Variants in BCAS3 observed in about 807,000 individuals in gnomAD.
BCAS3 encodes the protein BCAS4/BCAS3 fusion.
In BCAS3, 53 loss-of-function variants were observed where a neutral mutation model predicts 116.1. The observed-to-expected ratio is 0.46, with a 90% CI of 0.37 to 0.57. The LOEUF is 0.57. BCAS3 is among the 20% of genes least tolerant of loss of function. The probability of loss-of-function intolerance (pLI) is 0.00; values close to 1 mark genes in which losing one functional copy is unlikely to be tolerated. For missense variants in BCAS3, 917 were observed against 1,165.4 expected (o/e 0.79, Z 3.10); for synonymous variants, 391 against 408.2 (o/e 0.96, Z 0.51).
intron 22 of BCAS3, among the ~76,000 whole-genome samples, chr17:61,274,281 A>ATTTT (rs780529516): frequency 3.5e-4 from 34 of 96,228 alleles, no homozygotes; most frequent in African/African-American, 6.7e-4. Context: ...AAATCTTTGA[A>ATTTT]TTTTTTTTTT....
chr17:60,716,830 T>C (rs1401712112), intron 5 of BCAS3, among the ~76,000 whole-genome samples: 1 of 152,170 alleles, frequency 6.6e-6, no homozygotes, highest in Non-Finnish European at 1.5e-5. Flanking sequence ...TTTCCAGCCA[T>C]GTCAGTTATA....
intron 22 of BCAS3, among the ~76,000 whole-genome samples, chr17:61,148,687 T>A (rs751126258): frequency 2.0e-5 from 3 of 152,226 alleles, no homozygotes; most frequent in Non-Finnish European, 4.4e-5. Context: ...AAGATAGGTA[T>A]AATTATTTGT....
intron 19 of BCAS3, among the ~76,000 whole-genome samples, chr17:61,044,030 T>C (rs2067772332): frequency 6.6e-6 from 1 of 152,054 alleles, no homozygotes; most frequent in Non-Finnish European, 1.5e-5. Flanking sequence ...AATAATCATA[T>C]TACTTGTTTT....
intron 22 of BCAS3, among the ~76,000 whole-genome samples, chr17:61,231,864 T>A: frequency 1.2e-5 from 1 of 81,030 alleles, no homozygotes; most frequent in African/African-American, 4.1e-5. Context: ...GAAGAGACCC[T>A]GTCTCAAAAA....
chr17:61,138,475 A>C (rs1400520685), intron 22 of BCAS3, among the ~76,000 whole-genome samples: 1 of 152,206 alleles, frequency 6.6e-6, no homozygotes, highest in Non-Finnish European at 1.5e-5. Context: ...CACAGACCAA[A>C]TTACTCTGCT....
rs1340333742 is a variant in BCAS3 at position 61,214,183 on chromosome 17, G to T, written c.2425+129619G>T. Among the ~76,000 whole-genome samples the T allele has an allele frequency of 6.6e-6, 1 of 151,896 alleles. No individual in the cohort carries two copies. The highest frequency in any genetic ancestry group is 1.5e-5 in the Non-Finnish European group (1 of 68,006). On this transcript the variant is annotated intron_variant, in intron 22 of 23. Coordinates refer to ENST00000407086, the MANE Select transcript of BCAS3 (RefSeq NM_017679.5). The surrounding 1 kb of genome is among the most constrained non-coding windows in gnomAD (Gnocchi z 4.4). ...AGTTCAAGACCAGCCTGTCCAACAT[G>T]GCGAAACCCCATCTCTATTAAAAAA...
chr17:61,242,312 C>T (rs1413263797), intron 22 of BCAS3, among the ~76,000 whole-genome samples: 1 of 150,780 alleles, frequency 6.6e-6, no homozygotes, highest in Non-Finnish European at 1.5e-5. Context: ...ATCAGGAAGA[C>T]AGTGTAAATA....
chr17:61,025,834 C>T (rs1442899001), intron 16 of BCAS3, among the ~76,000 whole-genome samples: 1 of 152,088 alleles, frequency 6.6e-6, no homozygotes, highest in Non-Finnish European at 1.5e-5. Context: ...CAAAATTGTA[C>T]TCACTATCGT....
chr17:61,316,326 T>C lies in BCAS3; in HGVS notation c.2426-52001T>C, dbSNP rs2054731020. ...ATCTCAATAATAATAATATTAATAGTAATATAGCAGGTACTTAGTAAATGT... is the reference window on the plus strand; with the variant it reads ...ATCTCAATAATAATAATATTAATAGCAATATAGCAGGTACTTAGTAAATGT... On this transcript the variant is annotated intron_variant, in intron 22 of 23. Coordinates refer to ENST00000407086, the MANE Select transcript of BCAS3 (RefSeq NM_017679.5). The surrounding 1 kb of genome is among the most constrained non-coding windows in gnomAD (Gnocchi z 5.8). Among the ~76,000 whole-genome samples, 3 of 152,060 alleles carry C rather than the reference T, an allele frequency of 2.0e-5. No homozygotes were observed. The South Asian group carries it at 6.2e-4, about 32-fold the overall frequency.
At chr17:60,817,260 G>A (rs1395325291) in intron 7 of BCAS3, among the ~76,000 whole-genome samples, 2 of 152,128 alleles carry the variant, frequency 1.3e-5, no homozygotes, top group African/African-American at 4.8e-5. Flanking sequence ...AATGTTTATT[G>A]TGCCACTGAT....
At position 60,974,973 on chromosome 17, in the gene BCAS3, G is replaced by GT. The variant is rs199766737; in HGVS notation, c.1222-14990dup. On this transcript the variant is annotated intron_variant, in intron 14 of 23. Transcript: ENST00000407086. Reference sequence around the variant, plus strand: ...TACCCATATTATATTCAAGCCATTTGTTTTTTTTGTTTTTTTTGCTTTTTT... The same window carrying GT: ...TACCCATATTATATTCAAGCCATTTGTTTTTTTTTGTTTTTTTTGCTTTTTT... Among the ~76,000 whole-genome samples the GT allele has an allele frequency of 2.2e-3, 307 of 136,976 alleles. 3 individuals are homozygous for GT. The highest frequency in any genetic ancestry group is 8.2e-3 in the African/African-American group (237 of 28,816). The allele number at this position is 136,976 out of a possible 152,430, so 89.9% of individuals were successfully genotyped here.
rs1220342430 is a variant in BCAS3, at chr17:61,315,013, C to T, written c.2426-53314C>T. 1.3e-5 allele frequency among the ~76,000 whole-genome samples: 2 copies of T among 152,140 alleles called. No homozygotes were observed. The highest frequency in any genetic ancestry group is 2.9e-5 in the Non-Finnish European group (2 of 68,032). On this transcript the variant is annotated intron_variant, in intron 22 of 23. Coordinates refer to ENST00000407086, the MANE Select transcript of BCAS3 (RefSeq NM_017679.5). The surrounding 1 kb of genome is among the most constrained non-coding windows in gnomAD (Gnocchi z 5.3). ...GTCTGATGTTGGAACTCCTCTTCAC[C>T]CATCCGAGGAACAGTGTGCCTGGAA...
chr17:60,913,707 GA>G (rs2058637580), intron 12 of BCAS3, among the ~76,000 whole-genome samples: 1 of 152,048 alleles, frequency 6.6e-6, no homozygotes. Context: ...TAAATCCCTT[GA>G]GCCTTTGATA....
At chr17:61,312,215 A>G (rs2054368997) in intron 22 of BCAS3, among the ~76,000 whole-genome samples, 1 of 151,980 alleles carries the variant, frequency 6.6e-6, no homozygotes, top group Non-Finnish European at 1.5e-5. Flanking sequence ...GGGATTCTGC[A>G]TGTTGTGCTT....
At chr17:61,299,386 T>C (rs567150065) in intron 22 of BCAS3, among the ~76,000 whole-genome samples, 2 of 131,814 alleles carry the variant, frequency 1.5e-5, no homozygotes, top group Admixed American at 1.9e-4. Context: ...GAGCTTGCAG[T>C]GAGCTGAGGT....
rs2076948429 is a variant in BCAS3 at position 61,141,997 on chromosome 17, TTTACTC to T, written c.2425+57437_2425+57442del. Among the ~76,000 whole-genome samples, 1 of 152,086 alleles carries T rather than the reference TTTACTC, an allele frequency of 6.6e-6. No individual in the cohort carries two copies. Among genetic ancestry groups the T allele is most frequent in the Non-Finnish European group, 1.5e-5 (1 of 68,020 alleles). On this transcript the variant is annotated intron_variant, in intron 22 of 23. Coordinates refer to ENST00000407086, the MANE Select transcript of BCAS3 (RefSeq NM_017679.5). This position sits in a 1 kb window ranked among gnomAD's most constrained non-coding sequence, Gnocchi z 4.3. ...ATAAGATTTATTTAAATGGAGTAGTTTTACTCTTATTTCCACTCTCATTTTCTCCTT... is the reference window on the plus strand; with the variant it reads ...ATAAGATTTATTTAAATGGAGTAGTTTTATTTCCACTCTCATTTTCTCCTT...
At chr17:61,294,252 CAT>C (rs68156806) in intron 22 of BCAS3, among the ~76,000 whole-genome samples, 6,647 of 152,128 alleles carry the variant, frequency 0.044, 470 homozygotes, top group African/African-American at 0.15. Context: ...AATATAATAT[CAT>C]ATGTTTTTAT....
chr17:60,872,579 GTATA>G lies in BCAS3; in HGVS notation c.585-2080_585-2077del, dbSNP rs547415292. 1.7e-3 allele frequency among the ~76,000 whole-genome samples: 250 copies of G among 147,078 alleles called. 1 individual carries two copies. Among genetic ancestry groups the G allele is most frequent in the African/African-American group, 6.1e-3 (239 of 39,462 alleles). ...CACACACCCCCATATATATCTGTAT[GTATA>G]TACACACATGGACACACACCCCATA... is the stretch of plus-strand genomic sequence containing the variant. On this transcript the variant is annotated intron_variant, in intron 8 of 23. Transcript: ENST00000407086.
In BCAS3 at chr17:61,034,835, G is replaced by T; in HGVS notation, c.1762+45G>T. ...AATGAATGCTCTATTTGTAATTTTT[G>T]CTTCTTAAGGAAAATTTTTAGCAGT... On this transcript the variant is annotated intron_variant, in intron 17 of 23. Transcript: ENST00000407086. This position sits in a 1 kb window ranked among gnomAD's most constrained non-coding sequence, Gnocchi z 5.0. 1.3e-6 allele frequency: 2 copies of T among 1,545,270 alleles called. No homozygotes were observed. Among genetic ancestry groups the T allele is most frequent in the Non-Finnish European group, 1.7e-6 (2 of 1,145,644 alleles).
Sources: gnomAD v4.1 joint callset for allele counts (sites outside exome capture counted in the v4.1 genomes callset) on GRCh38, gnomAD v4.1.1 for gene constraint, Gnocchi (gnomAD v3.1) non-coding constraint, MANE v1.5 for transcripts, NCBI Gene and HGNC (gene_info 2026-07-23, HGNC 2026-07-21) for gene names.